Variants in MYO1F observed in about 807,000 individuals in gnomAD.
The protein encoded by MYO1F is unconventional myosin-If.
In MYO1F, 60 loss-of-function variants were observed where a neutral mutation model predicts 146.6. That is an observed-to-expected ratio of 0.41 (90% CI 0.33 to 0.51). The LOEUF is 0.51. Among genes scored for constraint, MYO1F ranks in the 20% least tolerant of loss-of-function variants. The probability of loss-of-function intolerance (pLI) is 0.25; values close to 1 mark genes in which losing one functional copy is unlikely to be tolerated. For missense variants in MYO1F, 1,274 were observed against 1,534.3 expected, an observed-to-expected ratio of 0.83 and a Z score of 2.83; for synonymous variants, 602 against 602.1, an observed-to-expected ratio of 1.00 and a Z score of 0.00.
intron 4 of MYO1F, among the ~76,000 whole-genome samples, chr19:8,554,086 G>A (rs1000944034): frequency 6.6e-6 from 1 of 151,904 alleles, no homozygotes; most frequent in Non-Finnish European, 1.5e-5. Context: ...AGCCTCTTGA[G>A]TAGCTGGGGA....
intron 25 of MYO1F, among the ~76,000 whole-genome samples, chr19:8,523,544 TCTCA>T (rs1945825875): frequency 1.3e-5 from 2 of 151,736 alleles, no homozygotes; most frequent in Non-Finnish European, 2.9e-5. Flanking sequence ...AGAGATGGGG[TCTCA>T]CTATGTTGCT....
chr19:8,563,901 T>C (rs2041953140), intron 1 of MYO1F, among the ~76,000 whole-genome samples: 1 of 152,022 alleles, frequency 6.6e-6, no homozygotes, highest in East Asian at 1.9e-4. Context: ...AGTGCTGAGA[T>C]TATAGGCATG....
At chr19:8,542,693 C>T (rs900404353) in intron 14 of MYO1F, among the ~76,000 whole-genome samples, 13 of 151,724 alleles carry the variant, frequency 8.6e-5, no homozygotes, top group Admixed American at 3.3e-4. Flanking sequence ...CTCCGCCTTC[C>T]GGGATCAAGT....
chr19:8,538,056 C>G (rs1972803103), intron 16 of MYO1F, among the ~76,000 whole-genome samples: 1 of 151,910 alleles, frequency 6.6e-6, no homozygotes, highest in African/African-American at 2.4e-5. Context: ...ACTGCAACCT[C>G]CGTCTCCCAG....
chr19:8,540,032 G>A lies in MYO1F; in HGVS notation c.1611-4C>T. 6.2e-7 allele frequency: 1 copy of A among 1,608,834 alleles called. No individual in the cohort carries two copies. Among genetic ancestry groups the A allele is most frequent in the South Asian group, 1.1e-5 (1 of 90,742 alleles). On this transcript the variant is annotated splice_polypyrimidine_tract_variant and splice_region_variant and intron_variant, in intron 15 of 27. Coordinates refer to ENST00000644032, the MANE Select transcript of MYO1F (RefSeq NM_012335.4). ...GAAGAGCATCCGGAGGAAGGCCCTG[G>A]GTAGGAAAGGGGAGAGGAGGAGTTG... is the stretch of plus-strand genomic sequence containing the variant.
At chr19:8,557,038 C>A (rs1973891169) in intron 1 of MYO1F, among the ~76,000 whole-genome samples, 1 of 152,038 alleles carries the variant, frequency 6.6e-6, no homozygotes, top group Admixed American at 6.6e-5. Context: ...GTAATCCCAG[C>A]ACTTTGGGAG....
intron 1 of MYO1F, among the ~76,000 whole-genome samples, chr19:8,564,677 G>C (rs1429023840): frequency 6.6e-6 from 1 of 151,860 alleles, no homozygotes; most frequent in Non-Finnish European, 1.5e-5. Flanking sequence ...GGGAGGCTAG[G>C]AGGTATAGAC....
rs760178262 is a variant in MYO1F, at chr19:8,530,445, C to G, written c.2158+14G>C. 1.2e-6 allele frequency: 2 copies of G among 1,613,738 alleles called. No individual in the cohort carries two copies. Among genetic ancestry groups the G allele is most frequent in the Admixed American group, 3.3e-5 (2 of 60,010 alleles). ...TGTGCCCCCACCCCGCGCCGTTTAC[C>G]CGAAGCCTCTCACCTTCCTCCCGCA... On this transcript the variant is annotated intron_variant, in intron 20 of 27. Coordinates refer to ENST00000644032, the MANE Select transcript of MYO1F (RefSeq NM_012335.4). The surrounding 1 kb of genome is among the most constrained non-coding windows in gnomAD (Gnocchi z 5.8).
chr19:8,535,364 A>G (rs1972660265), intron 19 of MYO1F, among the ~76,000 whole-genome samples: 1 of 152,168 alleles, frequency 6.6e-6, no homozygotes, highest in South Asian at 2.1e-4. Context: ...ATCAAAATCT[A>G]TAGACTGAAA....
rs1473341045 is a variant in MYO1F at position 8,530,206 on chromosome 19, C to T, written c.2318G>A (p.Arg773His). 5.0e-6 allele frequency: 8 copies of T among 1,613,876 alleles called. No homozygotes were observed. Among genetic ancestry groups the T allele is most frequent in the Admixed American group, 3.3e-5 (2 of 59,968 alleles). The change falls in exon 21 of 28, where the codon CGC (arginine) becomes CAC (histidine). Residue 773 changes from arginine (R) to histidine (H), a missense_variant. Physicochemically the swap from Arg to His is conservative, Grantham distance 29. This residue lies in a region of MYO1F where 900 missense variants were observed against 1,155.1 expected (regional missense o/e 0.78). Coordinates refer to ENST00000644032, the MANE Select transcript of MYO1F (RefSeq NM_012335.4). The surrounding 1 kb of genome is among the most constrained non-coding windows in gnomAD (Gnocchi z 5.8). ...DFADSVTKYDRRFKPIKRDLI... is the reference protein window; with the variant it reads ...DFADSVTKYDHRFKPIKRDLI... ...CCACTAGTGCCTCACCTTGAAGCGG[C>T]GGTCGTACTTGGTGACCGAATCGGC...
At chr19:8,549,906 T>C in intron 10 of MYO1F, 2 of 575,030 alleles carry the variant, frequency 3.5e-6, no homozygotes, top group Non-Finnish European at 6.2e-6. Context: ...GTTCAAATGA[T>C]CCCCCAACCT....
rs1276704996 is a variant in MYO1F, at chr19:8,543,765, G to C, written c.1524+532C>G. Among the ~76,000 whole-genome samples the C allele has an allele frequency of 2.2e-3, 21 of 9,508 alleles. 1 individual carries two copies. The highest frequency in any genetic ancestry group is 3.1e-3 in the Admixed American group (3 of 982). The allele number at this position is 9,508 out of a possible 152,430, so 6.2% of individuals were successfully genotyped here. ...GGTGCTGGTGGTGGTGGTGGTGGTG[G>C]TGCTGGTGGTGCTGGTGGTGCTGGT... On this transcript the variant is annotated intron_variant, in intron 14 of 27. Transcript: ENST00000644032.
intron 17 of MYO1F, 48 bp downstream of exon 17, chr19:8,536,901 C>G (rs2145855392): frequency 7.1e-7 from 1 of 1,406,548 alleles, no homozygotes; most frequent in African/African-American, 1.6e-5. Flanking sequence ...CTAGGGGTAA[C>G]TGCAGGGCCT....
chr19:8,560,281 G>A (rs1033680598), intron 1 of MYO1F, among the ~76,000 whole-genome samples: 1 of 151,732 alleles, frequency 6.6e-6, no homozygotes, highest in Non-Finnish European at 1.5e-5. Flanking sequence ...TCAGGAGATC[G>A]AGACCATCCT....
At position 8,530,022 on chromosome 19, in the gene MYO1F, G is replaced by C. The variant is rs567091174; in HGVS notation, c.2328+174C>G. 138 of 836,100 alleles carry C rather than the reference G, an allele frequency of 1.7e-4. 1 individual carries two copies. The East Asian group carries it at 3.4e-3, about 21-fold the overall frequency. 51.8% of individuals were successfully genotyped at this position (836,100 alleles called of 1,614,324 possible). ...CCTGTGATGGAACAGATGGATCTAG[G>C]CTGGGGGATCTATGCCTGTGGGCAG... On this transcript the variant is annotated intron_variant, in intron 21 of 27. Coordinates refer to ENST00000644032, the MANE Select transcript of MYO1F (RefSeq NM_012335.4). The surrounding 1 kb of genome is among the most constrained non-coding windows in gnomAD (Gnocchi z 5.8).
chr19:8,550,721 T>G (rs1334518662), intron 8 of MYO1F, 27 bp from the exon 9 acceptor site: 2 of 1,613,456 alleles, frequency 1.2e-6, no homozygotes, highest in South Asian at 2.2e-5. Flanking sequence ...GCAGAAACTG[T>G]GCCGTGAATC....
chr19:8,553,386 G>A lies in MYO1F; in HGVS notation c.378C>T (p.Tyr126=). 3 of 1,614,094 alleles carry A rather than the reference G, an allele frequency of 1.9e-6. No homozygotes were observed. The highest frequency in any genetic ancestry group is 2.2e-5 in the South Asian group (2 of 91,084). Residue 126 remains tyrosine (Y), a synonymous_variant, in exon 5 of 28, where the codon TAC becomes TAT. Transcript: ENST00000644032. ...CGCCTCCGCCAGACACCTTGGAGAT[G>A]TAGCCCATGATATATTTGGCTGCCA... ...KTVAAKYIMG[Y]ISKVSGGGEK... is the part of the protein sequence containing the mutation.
In MYO1F at chr19:8,550,252, T is replaced by G. The variant is rs1259666371; in HGVS notation, c.1009A>C (p.Ile337Leu). The change falls in exon 10 of 28, where the codon ATC becomes CTC. Residue 337 changes from isoleucine to leucine, a missense_variant. Ile to Leu is a conservative substitution (Grantham distance 5, BLOSUM62 2). Transcript: ENST00000644032. Reference protein sequence around the residue: ...DSRWGGRSESINVTLNVEQAA... With the variant: ...DSRWGGRSESLNVTLNVEQAA... ...TGCTCCACGTTGAGGGTCACATTGATGGACTCGCTGCGCCCGCCCCAGCGG... is the reference window on the plus strand; with the variant it reads ...TGCTCCACGTTGAGGGTCACATTGAGGGACTCGCTGCGCCCGCCCCAGCGG... 3 of 1,614,202 alleles carry G rather than the reference T, an allele frequency of 1.9e-6. No individual in the cohort carries two copies. Among genetic ancestry groups the G allele is most frequent in the Non-Finnish European group, 1.7e-6 (2 of 1,180,048 alleles).
rs1221850478 is a variant in MYO1F at position 8,522,750 on chromosome 19, G to A, written c.2934C>T (p.His978=). Reference sequence around the variant, plus strand: ...TGGACGGAGGGCCCCGGGGAGGCCTGTGGGTGCCCCCTCCAGACATGATCT... The same window carrying A: ...TGGACGGAGGGCCCCGGGGAGGCCTATGGGTGCCCCCTCCAGACATGATCT... ...PLEIMSGGGT[H]RPPRGPPSTS... The change falls in exon 26 of 28, where the codon CAC becomes CAT. Residue 978 remains histidine (H), a synonymous_variant. Coordinates refer to ENST00000644032, the MANE Select transcript of MYO1F (RefSeq NM_012335.4). 3 of 1,611,464 alleles carry A rather than the reference G, an allele frequency of 1.9e-6. No individual in the cohort carries two copies. Among genetic ancestry groups the A allele is most frequent in the East Asian group, 4.5e-5 (2 of 44,838 alleles).
Sources: gnomAD v4.1 joint callset for allele counts (sites outside exome capture counted in the v4.1 genomes callset) on GRCh38, gnomAD v4.1.1 for gene constraint, gnomAD v4.1.1 regional missense constraint, Gnocchi (gnomAD v3.1) non-coding constraint, MANE v1.5 for transcripts, NCBI Gene and HGNC (gene_info 2026-07-23, HGNC 2026-07-21) for gene names.